Variants in PKHD1 observed in about 807,000 individuals in gnomAD.
PKHD1 encodes the protein PKHD1 ciliary IPT domain containing fibrocystin/polyductin.
PKHD1 carries 291 observed loss-of-function variants against 412.0 expected under a neutral mutation model. The ratio of observed to expected loss-of-function variants is 0.71; its 90% CI spans 0.64 to 0.78. The LOEUF is 0.78. PKHD1 is among the 30% of genes least tolerant of loss of function. The pLI is 0.00. For synonymous variants in PKHD1, 1,777 were observed against 1,821.5 expected (o/e 0.98, Z 0.62); for missense variants, 4,825 against 4,950.7 (o/e 0.97, Z 0.76).
intron 55 of PKHD1, among the ~76,000 whole-genome samples, chr6:51,767,599 G>C (rs923372322): frequency 1.3e-5 from 2 of 152,084 alleles, no homozygotes; most frequent in Non-Finnish European, 2.9e-5. Flanking sequence ...AGTTTGATGA[G>C]AATGATGGTT....
intron 14 of PKHD1, among the ~76,000 whole-genome samples, chr6:52,061,664 C>T (rs917266193): frequency 6.7e-6 from 1 of 149,822 alleles, no homozygotes; most frequent in Non-Finnish European, 1.5e-5. Flanking sequence ...TTGCCATTAC[C>T]TTCAACGGTA....
chr6:51,979,467 A>T (rs894919890), intron 35 of PKHD1, among the ~76,000 whole-genome samples: 1 of 151,644 alleles, frequency 6.6e-6, no homozygotes, highest in Admixed American at 6.6e-5. Flanking sequence ...ACATCCTTTC[A>T]TTCTCCTCTG....
chr6:51,896,052 G>C lies in PKHD1; in HGVS notation c.6996+7545C>G, dbSNP rs1338647250. Among the ~76,000 whole-genome samples the C allele has an allele frequency of 3.3e-5, 5 of 152,320 alleles. No individual in the cohort carries two copies. In the East Asian group the frequency reaches 9.6e-4, roughly 29 times the overall value. On this transcript the variant is annotated intron_variant, in intron 43 of 66. Transcript: ENST00000371117. ...AGTCTCGCTGATTGCTAGCACAGCAGTCTGAGATCAAACTGCAAGTCGGTA... is the reference window on the plus strand; with the variant it reads ...AGTCTCGCTGATTGCTAGCACAGCACTCTGAGATCAAACTGCAAGTCGGTA...
chr6:51,846,574 T>C (rs919197878), intron 50 of PKHD1, among the ~76,000 whole-genome samples: 2 of 152,096 alleles, frequency 1.3e-5, no homozygotes, highest in African/African-American at 4.8e-5. Context: ...AATGCTGACA[T>C]GGTATAGAAA....
intron 51 of PKHD1, among the ~76,000 whole-genome samples, chr6:51,832,610 G>T (rs1325808360): frequency 6.6e-6 from 1 of 152,002 alleles, no homozygotes; most frequent in African/African-American, 2.4e-5. Flanking sequence ...TATACAGCAA[G>T]CAGTGGAAAA....
chr6:51,867,175 G>A (rs1356082236), intron 48 of PKHD1, among the ~76,000 whole-genome samples: 2 of 152,086 alleles, frequency 1.3e-5, no homozygotes, highest in Admixed American at 6.6e-5. Flanking sequence ...AAATAAGTGT[G>A]GCTAAATATA....
At chr6:51,791,003 G>C (rs953549453) in intron 53 of PKHD1, among the ~76,000 whole-genome samples, 1 of 152,096 alleles carries the variant, frequency 6.6e-6, no homozygotes, top group African/African-American at 2.4e-5. Context: ...AGCAGTAGCA[G>C]GCGGACCAGA....
chr6:51,930,489 C>G (rs1786408143), intron 37 of PKHD1, among the ~76,000 whole-genome samples: 1 of 152,186 alleles, frequency 6.6e-6, no homozygotes, highest in South Asian at 2.1e-4. Context: ...TGCCTTGTGA[C>G]AGCTGAACAC....
intron 52 of PKHD1, among the ~76,000 whole-genome samples, chr6:51,794,481 C>T (rs527846131): frequency 6.6e-6 from 1 of 152,244 alleles, no homozygotes; most frequent in Non-Finnish European, 1.5e-5. Context: ...CTTGATTACC[C>T]TGATGATAGT....
At chr6:51,698,008 A>AATC (rs1779000242) in intron 60 of PKHD1, among the ~76,000 whole-genome samples, 1 of 152,230 alleles carries the variant, frequency 6.6e-6, no homozygotes, top group South Asian at 2.1e-4. Context: ...TAGCCAATTA[A>AATC]ATCATCCCTT....
intron 60 of PKHD1, among the ~76,000 whole-genome samples, chr6:51,729,307 T>G (rs1257970563): frequency 6.6e-6 from 1 of 152,212 alleles, no homozygotes; most frequent in Non-Finnish European, 1.5e-5. Context: ...ATTTCTTTTC[T>G]TTGGTGTTCT....
rs766708386 is a variant in PKHD1 at position 52,058,540 on chromosome 6, C to A, written c.1295G>T (p.Arg432Met). The A allele has an allele frequency of 1.2e-6, 2 of 1,614,214 alleles. No individual in the cohort carries two copies. Among genetic ancestry groups the A allele is most frequent in the Non-Finnish European group, 1.7e-6 (2 of 1,180,036 alleles). Residue 432 changes from arginine (R) to methionine (M), a missense_variant, in exon 16 of 67, where the codon AGG (arginine) becomes ATG (methionine). Arg to Met is a moderately conservative substitution (Grantham distance 91). Transcript: ENST00000371117. Reference sequence around the variant, plus strand: ...CTTCTGCTGCCAGGTCCCTTCATCCCTATTCTGCTCCCAGGAGTCAAACCA... The same window carrying A: ...CTTCTGCTGCCAGGTCCCTTCATCCATATTCTGCTCCCAGGAGTCAAACCA... The part of the protein sequence containing the change: ...ADWFDSWEQN[R>M]DEGTWQQKTP...
intron 37 of PKHD1, among the ~76,000 whole-genome samples, chr6:51,916,447 A>G (rs1358893690): frequency 6.6e-6 from 1 of 152,142 alleles, no homozygotes; most frequent in East Asian, 1.9e-4. Flanking sequence ...TTCTTCAAGG[A>G]CAAGATTATA....
At chr6:51,924,498 T>C (rs1384166087) in intron 37 of PKHD1, among the ~76,000 whole-genome samples, 2 of 152,184 alleles carry the variant, frequency 1.3e-5, no homozygotes, top group Admixed American at 1.3e-4. Context: ...CAGCACAATA[T>C]AAACAGATTT....
intron 51 of PKHD1, among the ~76,000 whole-genome samples, chr6:51,833,286 G>A (rs879891821): frequency 1.3e-5 from 2 of 152,128 alleles, no homozygotes; most frequent in Non-Finnish European, 2.9e-5. Context: ...TTATAAGAGG[G>A]CTGACACAGT....
Position 51,659,646 on chromosome 6 carries a change from G to T in PKHD1, c.10480C>A (p.Leu3494Ile). The change falls in exon 61 of 67, where the codon CTT (leucine) becomes ATT (isoleucine). Residue 3494 changes from leucine to isoleucine, a missense_variant. Leu to Ile is a conservative substitution (Grantham distance 5). Transcript: ENST00000371117. ...FLLGNKSTSK[L>I]LLAVFYHELQ... ...TCATGGTAGAATACAGCCAAGAGAA[G>T]CTTGGAGGTACTTTTGTTCCCCAAT... is the stretch of plus-strand genomic sequence containing the variant. 2 of 1,613,580 alleles carry T rather than the reference G, an allele frequency of 1.2e-6. No homozygotes were observed. The highest frequency in any genetic ancestry group is 2.2e-5 in the South Asian group (2 of 91,074).
intron 65 of PKHD1, among the ~76,000 whole-genome samples, chr6:51,627,427 G>A (rs994984200): frequency 6.6e-6 from 1 of 151,758 alleles, no homozygotes; most frequent in Admixed American, 6.6e-5. Context: ...GAAAAAAAGT[G>A]TAAACTAACT....
At chr6:51,889,584 C>A (rs1460466512) in intron 43 of PKHD1, among the ~76,000 whole-genome samples, 1 of 152,076 alleles carries the variant, frequency 6.6e-6, no homozygotes, top group Non-Finnish European at 1.5e-5. Flanking sequence ...CAGGCTTTAC[C>A]TGGGGGTATA....
At chr6:52,023,351 T>C (rs1801687118) in intron 32 of PKHD1, among the ~76,000 whole-genome samples, 1 of 152,222 alleles carries the variant, frequency 6.6e-6, no homozygotes, top group African/African-American at 2.4e-5. Flanking sequence ...TCTATGTTTC[T>C]GATTCAAAGC....
Sources: allele counts gnomAD v4.1 joint callset (sites outside exome capture counted in the v4.1 genomes callset), GRCh38; gene constraint gnomAD v4.1.1; transcripts MANE v1.5; gene names NCBI Gene and HGNC (gene_info 2026-07-23, HGNC 2026-07-21).